Variants in COP1 observed in about 807,000 individuals in gnomAD.
COP1 encodes the protein COP1 E3 ubiquitin ligase.
In COP1, 24 loss-of-function variants were observed where a neutral mutation model predicts 101.3. The observed-to-expected ratio is 0.24, with a 90% CI of 0.17 to 0.33. COP1 has a LOEUF of 0.33. Ranked by LOEUF, COP1 falls within the 10% of genes least tolerant of loss-of-function variation. The probability of loss-of-function intolerance (pLI) is 1.00; values close to 1 mark genes in which losing one functional copy is unlikely to be tolerated. For synonymous variants in COP1, 347 were observed against 341.9 expected (o/e 1.01, Z -0.17); for missense variants, 663 against 906.2 (o/e 0.73, Z 3.45).
intron 11 of COP1, among the ~76,000 whole-genome samples, chr1:176,056,511 C>CGTGT (rs751446292): frequency 1.3e-4 from 19 of 150,414 alleles, no homozygotes; most frequent in Admixed American, 1.1e-3. Context: ...TATAATGGGG[C>CGTGT]GTGTGTGTGT....
chr1:176,182,529 G>T (rs917674616), intron 2 of COP1, among the ~76,000 whole-genome samples: 3 of 152,170 alleles, frequency 2.0e-5, no homozygotes, highest in African/African-American at 7.2e-5. Context: ...AATCTATAAA[G>T]CACAGTGCAG....
chr1:175,991,454 G>A (rs1658432887), intron 15 of COP1, among the ~76,000 whole-genome samples: 1 of 152,110 alleles, frequency 6.6e-6, no homozygotes, highest in African/African-American at 2.4e-5. Flanking sequence ...AATTGTTTTG[G>A]GTGAGTTAGT....
chr1:176,077,275 C>G (rs1678224659), intron 11 of COP1, among the ~76,000 whole-genome samples: 1 of 152,002 alleles, frequency 6.6e-6, no homozygotes, highest in Admixed American at 6.5e-5. Context: ...AAGCTGAATC[C>G]AGGAGCACAT....
intron 3 of COP1, among the ~76,000 whole-genome samples, chr1:176,165,388 GT>G (rs1558240711): frequency 3.9e-4 from 59 of 149,582 alleles, no homozygotes; most frequent in Admixed American, 9.4e-4. Flanking sequence ...GTGTGTGTGT[GT>G]GTGTGTGTGT....
intron 11 of COP1, among the ~76,000 whole-genome samples, chr1:176,051,213 G>T (rs1467544929): frequency 6.6e-6 from 1 of 152,148 alleles, no homozygotes; most frequent in African/African-American, 2.4e-5. Flanking sequence ...AATGAACCGT[G>T]AATATTTTCA....
intron 9 of COP1, among the ~76,000 whole-genome samples, chr1:176,101,266 C>T (rs1683359836): frequency 6.6e-6 from 1 of 152,154 alleles, no homozygotes; most frequent in Non-Finnish European, 1.5e-5. Context: ...ACCTCACTTT[C>T]CCTCCCTCAA....
At chr1:176,027,546 A>T (rs780298139) in intron 15 of COP1, 26 bp downstream of exon 15, 1 of 1,321,978 alleles carries the variant, frequency 7.6e-7, no homozygotes, top group African/African-American at 1.4e-5. Flanking sequence ...ACATCAAAGG[A>T]AGACAAATCT....
intron 18 of COP1, among the ~76,000 whole-genome samples, chr1:175,953,613 A>G (rs376780864): frequency 1.3e-5 from 2 of 151,944 alleles, no homozygotes; most frequent in East Asian, 3.9e-4. Context: ...AAAAGGAAAC[A>G]CTTTAAACAT....
chr1:176,033,268 G>T (rs983441543), intron 14 of COP1, among the ~76,000 whole-genome samples: 2 of 151,898 alleles, frequency 1.3e-5, no homozygotes, highest in Non-Finnish European at 1.5e-5. Flanking sequence ...TACAAAATTA[G>T]CCAGCTGTCG....
chr1:176,162,989 C>A lies in COP1; in HGVS notation c.643-1G>T. The A allele has an allele frequency of 6.3e-7, 1 of 1,589,684 alleles. No individual in the cohort carries two copies. Among genetic ancestry groups the A allele is most frequent in the South Asian group, 1.2e-5 (1 of 84,666 alleles). On this transcript the variant is annotated splice_acceptor_variant, in intron 4 of 19. Coordinates refer to ENST00000367669, the MANE Select transcript of COP1 (RefSeq NM_022457.7). LOFTEE classifies it high-confidence loss of function. Reference sequence around the variant, plus strand: ...GAAATATCTGCCACCTGTGGCCATTCTAAAAATGAAGAAAGAAGAAACACA... The same window carrying A: ...GAAATATCTGCCACCTGTGGCCATTATAAAAATGAAGAAAGAAGAAACACA...
intron 15 of COP1, among the ~76,000 whole-genome samples, chr1:176,021,104 C>T (rs906933461): frequency 3.3e-5 from 5 of 152,162 alleles, no homozygotes; most frequent in African/African-American, 1.2e-4. Context: ...GCTTCAACCT[C>T]CCAAAGTGTT....
At chr1:176,026,341 TTAATAATAAAAA>T (rs1174055097) in intron 15 of COP1, among the ~76,000 whole-genome samples, 1 of 150,342 alleles carries the variant, frequency 6.7e-6, no homozygotes, top group Non-Finnish European at 1.5e-5. Flanking sequence ...ATACATAATA[TTAATAATAAAAA>T]TAACAACTAT....
At chr1:176,125,666 C>T (rs1687877575) in intron 8 of COP1, among the ~76,000 whole-genome samples, 2 of 152,072 alleles carry the variant, frequency 1.3e-5, no homozygotes, top group South Asian at 4.2e-4. Flanking sequence ...AACGATTCCT[C>T]TACTTTTGTT....
intron 18 of COP1, among the ~76,000 whole-genome samples, chr1:175,986,327 AT>A (rs544938776): frequency 6.6e-6 from 1 of 152,084 alleles, no homozygotes; most frequent in South Asian, 2.1e-4. Flanking sequence ...CCTAAGAATT[AT>A]TTTTTCATAT....
At chr1:176,012,191 T>C (rs769344966) in intron 15 of COP1, among the ~76,000 whole-genome samples, 8 of 152,168 alleles carry the variant, frequency 5.3e-5, no homozygotes, top group Non-Finnish European at 8.8e-5. Context: ...TGGAGAACAG[T>C]GGTGCAATAA....
rs574690726 is a variant in COP1 at position 176,134,806 on chromosome 1, T to A, written c.968+204A>T. Among the ~76,000 whole-genome samples the A allele has an allele frequency of 8.5e-5, 13 of 152,200 alleles. No individual in the cohort carries two copies. The South Asian group carries it at 1.2e-3, about 15-fold the overall frequency. On this transcript the variant is annotated intron_variant, in intron 8 of 19. Transcript: ENST00000367669. ...ATCCAACTGTGAATTCATAACATTATAGTATTCTACTCGCTAACTCTTCCT... is the reference window on the plus strand; with the variant it reads ...ATCCAACTGTGAATTCATAACATTAAAGTATTCTACTCGCTAACTCTTCCT...
Position 176,046,341 on chromosome 1 carries a change from T to C in COP1, c.1278-17A>G, listed in dbSNP as rs1178433300. ...AATTCAATACTAAGGGGAAAAAGTA[T>C]GTAATGACAACATTTCAGAATTTGC... On this transcript the variant is annotated splice_polypyrimidine_tract_variant and intron_variant, in intron 11 of 19. Transcript: ENST00000367669. 3 of 1,601,458 alleles carry C rather than the reference T, an allele frequency of 1.9e-6. No homozygotes were observed. The highest frequency in any genetic ancestry group is 1.8e-5 in the Admixed American group (1 of 56,102).
intron 15 of COP1, among the ~76,000 whole-genome samples, chr1:175,997,117 T>C (rs565124839): frequency 0.014 from 2,139 of 151,956 alleles, 53 homozygotes; most frequent in African/African-American, 0.049. Context: ...TATCTGATCT[T>C]TGACAAACCT....
At chr1:175,992,543 T>G (rs1014849544) in intron 15 of COP1, among the ~76,000 whole-genome samples, 8 of 152,176 alleles carry the variant, frequency 5.3e-5, no homozygotes, top group African/African-American at 1.7e-4. Context: ...ACTCCCACCC[T>G]AATACTGCGC....
Sources: gnomAD v4.1 joint callset for allele counts (sites outside exome capture counted in the v4.1 genomes callset) on GRCh38, gnomAD v4.1.1 for gene constraint, MANE v1.5 for transcripts, NCBI Gene and HGNC (gene_info 2026-07-23, HGNC 2026-07-21) for gene names.